UNC79: variants seen among roughly 807,000 people sequenced by gnomAD.
The protein encoded by UNC79 is protein unc-79 homolog.
UNC79 carries 37 observed loss-of-function variants against 283.1 expected under a neutral mutation model. The ratio of observed to expected loss-of-function variants is 0.13; its 90% CI spans 0.10 to 0.17. UNC79 has a LOEUF of 0.17. Ranked by LOEUF, UNC79 falls within the 10% of genes least tolerant of loss-of-function variation. The pLI, the probability that UNC79 is intolerant of heterozygous loss-of-function variation, is 1.00. For missense variants in UNC79, 2,272 were observed against 3,211.1 expected, an observed-to-expected ratio of 0.71 and a Z score of 7.07; for synonymous variants, 1,107 against 1,200.2, an observed-to-expected ratio of 0.92 and a Z score of 1.61.
At chr14:93,456,922 T>C (rs1290600490) in intron 1 of UNC79, among the ~76,000 whole-genome samples, 1 of 152,222 alleles carries the variant, frequency 6.6e-6, no homozygotes, top group Admixed American at 6.5e-5. Flanking sequence ...CTTATTCCAT[T>C]CTTAAGCTTT....
At chr14:93,691,668 C>T (rs1178942794) in intron 45 of UNC79, 81 bp from the exon 49 acceptor site, 1 of 1,510,150 alleles carries the variant, frequency 6.6e-7, no homozygotes, top group Non-Finnish European at 9.2e-7. Flanking sequence ...CCTGGCAAGA[C>T]CAAAGCCATG....
At chr14:93,445,570 GT>G (rs1362254058) in intron 1 of UNC79, among the ~76,000 whole-genome samples, 3 of 152,126 alleles carry the variant, frequency 2.0e-5, no homozygotes, top group African/African-American at 7.2e-5. Flanking sequence ...CTGTAGTTTT[GT>G]TTTCTTGTGA....
chr14:93,478,941 A>G lies in UNC79; in HGVS notation c.619+1213A>G, dbSNP rs113918450. On this transcript the variant is annotated intron_variant, in intron 4 of 48. Coordinates refer to ENST00000555664, the Ensembl canonical transcript of UNC79. ...TTGTACTTTTCATGTCTTTCAGCAA[A>G]GAGTTTGACTTCTCCCTAAATTATA... 4.6e-3 allele frequency among the ~76,000 whole-genome samples: 707 copies of G among 152,300 alleles called. 4 individuals carry two copies. The highest frequency in any genetic ancestry group is 0.016 in the African/African-American group (665 of 41,554).
rs142407915 is a variant in UNC79 at position 93,562,943 on chromosome 14, G to A, written c.1756-8951G>A. 3.1e-3 allele frequency among the ~76,000 whole-genome samples: 479 copies of A among 152,340 alleles called. 2 individuals carry two copies. The highest frequency in any genetic ancestry group is 0.011 in the African/African-American group (437 of 41,576). ...GGGAGGGGGTCTGAACAATCCCTGA[G>A]GGGTAGTAGAATAGCAGATGGAACA... On this transcript the variant is annotated intron_variant, in intron 14 of 48. Transcript: ENST00000555664.
Position 93,474,325 on chromosome 14 carries a change from A to G in UNC79, c.380A>G (p.Tyr127Cys). The G allele has an allele frequency of 6.5e-7, 1 of 1,536,072 alleles. No individual in the cohort carries two copies. The highest frequency in any genetic ancestry group is 8.7e-7 in the Non-Finnish European group (1 of 1,146,860). Residue 127 changes from tyrosine (Y) to cysteine (C), a missense_variant, in exon 3 of 49, where the codon TAC becomes TGC. By Grantham distance (194) the Tyr-to-Cys change is radical. Around this residue, in one of 11 missense-constraint regions of UNC79, gnomAD observed 194 missense variants for 268.9 expected, o/e 0.72. Transcript: ENST00000555664. The surrounding 1 kb of genome is among the most constrained non-coding windows in gnomAD (Gnocchi z 4.1). ...TTGTCAGACTACCCTTCTTTGGACT[A>G]CCAAGGCCTCTACGTGACTTTGGTG...
intron 7 of UNC79, among the ~76,000 whole-genome samples, chr14:93,514,287 A>G (rs1595711175): frequency 6.6e-6 from 1 of 152,210 alleles, no homozygotes; most frequent in East Asian, 1.9e-4. Context: ...CATTAAAAGG[A>G]TAGTGAAGGA....
intron 47 of UNC79, among the ~76,000 whole-genome samples, chr14:93,698,761 C>T (rs927854868): frequency 6.6e-6 from 1 of 152,112 alleles, no homozygotes; most frequent in Admixed American, 6.6e-5. Context: ...GCTGGGATGA[C>T]AGACATAAGC....
At chr14:93,611,518 G>A (rs1314460907) in intron 26 of UNC79, among the ~76,000 whole-genome samples, 2 of 152,204 alleles carry the variant, frequency 1.3e-5, no homozygotes, top group African/African-American at 2.4e-5. Flanking sequence ...GAAAAAGTAT[G>A]TGGGCTTGAG....
At chr14:93,658,213 C>T (rs1490550463) in intron 38 of UNC79, among the ~76,000 whole-genome samples, 1 of 152,182 alleles carries the variant, frequency 6.6e-6, no homozygotes, top group African/African-American at 2.4e-5. Flanking sequence ...AATAATAAGC[C>T]ACTGAAACCT....
intron 38 of UNC79, among the ~76,000 whole-genome samples, chr14:93,656,379 G>A (rs10147266): frequency 0.72 from 109,102 of 151,946 alleles, 39,935 homozygotes; most frequent in African/African-American, 0.8. Context: ...CAGAGGTAGG[G>A]GGATCGCTTG....
upstream of UNC79, among the ~76,000 whole-genome samples, chr14:93,427,801 T>G (rs1385161994): frequency 6.6e-6 from 1 of 152,132 alleles, no homozygotes; most frequent in Admixed American, 6.5e-5. Flanking sequence ...TTTAGAATAA[T>G]TTTTTATGGG....
intron 35 of UNC79, among the ~76,000 whole-genome samples, chr14:93,648,051 G>A (rs898819416): frequency 6.6e-6 from 1 of 152,148 alleles, no homozygotes; most frequent in Non-Finnish European, 1.5e-5. Flanking sequence ...GGAATTATGG[G>A]AGCTACAATT....
At chr14:93,577,672 G>A (rs1045212750) in intron 17 of UNC79, among the ~76,000 whole-genome samples, 170 bp from the exon 18 acceptor site, 1 of 152,070 alleles carries the variant, frequency 6.6e-6, no homozygotes, top group African/African-American at 2.4e-5. Flanking sequence ...TTTATTTCTT[G>A]TTTTTATATA....
At chr14:93,487,572 TA>T in intron 4 of UNC79, 90 bp from the exon 5 acceptor site, 1 of 1,062,804 alleles carries the variant, frequency 9.4e-7, no homozygotes, top group Non-Finnish European at 1.3e-6. Flanking sequence ...TTTTTTTTTT[TA>T]AAGTTCCTTC....
exon 15 of UNC79, chr14:93,571,904 A>T (rs1304706764): frequency 6.2e-7 from 1 of 1,613,930 alleles, no homozygotes. Flanking sequence ...GTTGGTGGCT[A>T]CTGGGATAAG....
In UNC79 at chr14:93,540,604, T is replaced by C. The variant is rs79314069; in HGVS notation, c.1353-56T>C. 3,841 of 1,577,338 alleles carry C rather than the reference T, an allele frequency of 2.4e-3. 93 individuals carry two copies. The African/African-American group carries it at 0.047, about 19-fold the overall frequency. On this transcript the variant is annotated intron_variant, in intron 12 of 48. Transcript: ENST00000555664. ...TGAGGTACTTCCTCTGAATGGGTCA[T>C]GATCTAGAATGTGTTTTTTCACAGT...
chr14:93,669,443 A>G (rs2072594006), intron 40 of UNC79, among the ~76,000 whole-genome samples: 1 of 152,146 alleles, frequency 6.6e-6, no homozygotes, highest in Admixed American at 6.6e-5. Context: ...CCATGAGGCT[A>G]GAGGAACAAA....
rs1403190712 is a variant in UNC79, at chr14:93,344,510, T to A, written c.-351+10987T>A. 3.3e-5 allele frequency among the ~76,000 whole-genome samples: 5 copies of A among 152,176 alleles called. No individual in the cohort carries two copies. In the East Asian group the frequency reaches 7.7e-4, roughly 23 times the overall value. On this transcript the variant is annotated intron_variant, in intron 1 of 49. Transcript: ENST00000256339. ...TCTTATCTCTGGTTCTTTGAGCAGC[T>A]TGGCTACATTATTAACTCACTGTGG...
chr14:93,452,559 T>G (rs960597719), intron 1 of UNC79, among the ~76,000 whole-genome samples: 9 of 151,964 alleles, frequency 5.9e-5, no homozygotes, highest in Non-Finnish European at 8.8e-5. Flanking sequence ...CAGCTAATTT[T>G]TGTATTTTTA....
Sources: allele counts gnomAD v4.1 joint callset (sites outside exome capture counted in the v4.1 genomes callset), GRCh38; gene constraint gnomAD v4.1.1; regional missense constraint gnomAD v4.1.1; non-coding constraint Gnocchi (gnomAD v3.1); transcripts MANE v1.5; gene names NCBI Gene and HGNC (gene_info 2026-07-23, HGNC 2026-07-21).